SSH2: variants seen among roughly 807,000 people sequenced by gnomAD.
SSH2 encodes slingshot protein phosphatase 2.
SSH2 carries 37 observed loss-of-function variants against 135.2 expected under a neutral mutation model. The ratio of observed to expected loss-of-function variants is 0.27; its 90% CI spans 0.21 to 0.36. The LOEUF (loss-of-function observed/expected upper bound fraction) is 0.36, where lower values mean the gene tolerates loss of function less well. Ranked by LOEUF, SSH2 falls within the 10% of genes least tolerant of loss-of-function variation. SSH2 has a pLI of 1.00. For missense variants in SSH2, 1,408 were observed against 1,765.3 expected (o/e 0.80, Z 3.63); for synonymous variants, 628 against 646.2 (o/e 0.97, Z 0.43).
intron 2 of SSH2, among the ~76,000 whole-genome samples, chr17:29,838,634 G>C (rs1289850500): frequency 2.0e-5 from 3 of 152,124 alleles, no homozygotes. Context: ...CTGTAGAGAG[G>C]AGTTACCCTC....
chr17:29,684,519 T>C, intron 6 of SSH2, 44 bp downstream of exon 6: 1 of 1,532,594 alleles, frequency 6.5e-7, no homozygotes, highest in Non-Finnish European at 8.8e-7. Context: ...TGGAACAGGT[T>C]ACTTAAAAAG....
intron 1 of SSH2, among the ~76,000 whole-genome samples, chr17:29,913,361 TATATATATATA>T (rs2066819168): frequency 1.6e-5 from 1 of 61,916 alleles, no homozygotes; most frequent in Non-Finnish European, 3.3e-5. Flanking sequence ...TATATATATA[TATATATATATA>T]TATATATATA....
At chr17:29,636,874 C>T (rs2035936650) in intron 14 of SSH2, 72 bp from the exon 15 acceptor site, 5 of 1,058,460 alleles carry the variant, frequency 4.7e-6, no homozygotes, top group Non-Finnish European at 6.9e-6. Context: ...CAGGAAAACA[C>T]TCCCAGATAA....
At chr17:29,906,907 G>A (rs575179615) in intron 1 of SSH2, among the ~76,000 whole-genome samples, 1 of 152,348 alleles carries the variant, frequency 6.6e-6, no homozygotes, top group South Asian at 2.1e-4. Context: ...TTTTTACACT[G>A]CTGGTGGGAG....
chr17:29,896,497 G>A lies in SSH2; in HGVS notation c.63+33441C>T, dbSNP rs2066447893. Among the ~76,000 whole-genome samples, 3 of 149,178 alleles carry A rather than the reference G, an allele frequency of 2.0e-5. No homozygotes were observed. In the South Asian group the frequency reaches 6.3e-4, roughly 31 times the overall value. Reference sequence around the variant, plus strand: ...CAAATACTATGCCATGTTATAACAGGCACTTGGGCATCTGTAGATTTTGGT... The same window carrying A: ...CAAATACTATGCCATGTTATAACAGACACTTGGGCATCTGTAGATTTTGGT... On this transcript the variant is annotated intron_variant, in intron 1 of 15. Transcript: ENST00000540801.
At chr17:29,882,481 G>C (rs891340038) in intron 1 of SSH2, among the ~76,000 whole-genome samples, 9 of 152,218 alleles carry the variant, frequency 5.9e-5, no homozygotes, top group Admixed American at 4.6e-4. Context: ...GCCGGGCGCA[G>C]TGGCTCACAC....
intron 2 of SSH2, among the ~76,000 whole-genome samples, chr17:29,809,914 C>G (rs2042412571): frequency 6.6e-6 from 1 of 152,024 alleles, no homozygotes; most frequent in Admixed American, 6.6e-5. Context: ...CTTCCTTGAT[C>G]CCTCTAGGAC....
In SSH2 at chr17:29,671,951, C is replaced by A. The variant is rs765957536; in HGVS notation, c.793G>T (p.Ala265Ser). ...DVQSHRPDSP[A>S]LFTDIPTERE... ...CTGACTTACATGTCGGTGAAGAGAG[C>A]TGGAGAGTCGGGCCGGTGGGACTGT... is the stretch of plus-strand genomic sequence containing the variant. The change falls in exon 9 of 16, where the codon GCT (alanine) becomes TCT (serine). Residue 265 changes from alanine to serine, a missense_variant. Physicochemically the swap from Ala to Ser is moderately conservative, Grantham distance 99. Transcript: ENST00000540801. 37 of 1,613,342 alleles carry A rather than the reference C, an allele frequency of 2.3e-5. No homozygotes were observed. The highest frequency in any genetic ancestry group is 3.1e-5 in the Non-Finnish European group (37 of 1,179,510).
At chr17:29,916,451 A>G (rs1481035123) in intron 1 of SSH2, among the ~76,000 whole-genome samples, 3 of 151,678 alleles carry the variant, frequency 2.0e-5, no homozygotes, top group African/African-American at 7.3e-5. Context: ...CATGTTGTTA[A>G]AGATTTTTTT....
intron 14 of SSH2, among the ~76,000 whole-genome samples, chr17:29,644,100 AGAT>A (rs1321848498): frequency 6.6e-6 from 1 of 152,226 alleles, no homozygotes; most frequent in Non-Finnish European, 1.5e-5. Flanking sequence ...TTTTTAAAGG[AGAT>A]GATAAGTGGT....
At chr17:29,683,378 A>G (rs575239152) in intron 6 of SSH2, among the ~76,000 whole-genome samples, 1 of 152,362 alleles carries the variant, frequency 6.6e-6, no homozygotes, top group African/African-American at 2.4e-5. Context: ...CATAGAATGT[A>G]AAGTACAGCT....
At chr17:29,848,670 C>G (rs2065489867) in intron 2 of SSH2, among the ~76,000 whole-genome samples, 179 bp downstream of exon 2, 2 of 152,068 alleles carry the variant, frequency 1.3e-5, no homozygotes, top group African/African-American at 4.8e-5. Context: ...ATAAATGTAC[C>G]ATACTGTTTA....
At chr17:29,813,473 T>G (rs1567989987) in intron 2 of SSH2, among the ~76,000 whole-genome samples, 1 of 151,362 alleles carries the variant, frequency 6.6e-6, no homozygotes, top group Non-Finnish European at 1.5e-5. Context: ...AACAAAAAAT[T>G]TAAAAAACAA....
chr17:29,892,770 T>C (rs956979351), intron 1 of SSH2, among the ~76,000 whole-genome samples: 1 of 152,070 alleles, frequency 6.6e-6, no homozygotes, highest in Non-Finnish European at 1.5e-5. Context: ...TCTCTCTCTG[T>C]CCTCTGGAAC....
chr17:29,649,754 T>C (rs1178165249), intron 13 of SSH2, among the ~76,000 whole-genome samples: 2 of 152,192 alleles, frequency 1.3e-5, no homozygotes, highest in South Asian at 2.1e-4. Flanking sequence ...AAGCATGCCA[T>C]GAATGGTATT....
intron 3 of SSH2, among the ~76,000 whole-genome samples, chr17:29,711,555 C>T (rs1050319911): frequency 6.6e-6 from 1 of 152,174 alleles, no homozygotes; most frequent in Non-Finnish European, 1.5e-5. Flanking sequence ...AGATGGGGCA[C>T]ATCTGCTTTG....
At chr17:29,722,812 T>G (rs2151170428) in intron 3 of SSH2, among the ~76,000 whole-genome samples, 1 of 152,354 alleles carries the variant, frequency 6.6e-6, no homozygotes, top group South Asian at 2.1e-4. Context: ...TTTTCAGACA[T>G]CTGCCTTTGT....
intron 2 of SSH2, among the ~76,000 whole-genome samples, chr17:29,806,380 T>A (rs765567274): frequency 3.3e-5 from 5 of 152,154 alleles, no homozygotes; most frequent in Admixed American, 6.5e-5. Context: ...AAAGGTCAAA[T>A]AACACCTTCT....
At chr17:29,751,605 A>G (rs1006250629) in intron 3 of SSH2, among the ~76,000 whole-genome samples, 1 of 151,882 alleles carries the variant, frequency 6.6e-6, no homozygotes, top group Non-Finnish European at 1.5e-5. Context: ...CCACAAACAC[A>G]TGAGTAATAC....
Sources: gnomAD v4.1 joint callset for allele counts (sites outside exome capture counted in the v4.1 genomes callset) on GRCh38, gnomAD v4.1.1 for gene constraint, MANE v1.5 for transcripts, NCBI Gene and HGNC (gene_info 2026-07-23, HGNC 2026-07-21) for gene names.